The following CDH12 variants were observed in gnomAD, a reference collection of about 807,000 sequenced individuals.
CDH12 encodes cadherin 12, also known as cadherin-12.
Under a neutral mutation model 74.1 loss-of-function variants are expected in CDH12, and 41 were observed. The observed-to-expected ratio is 0.55, with a 90% CI of 0.43 to 0.72. The LOEUF is 0.72. Among genes scored for constraint, CDH12 ranks in the 30% least tolerant of loss-of-function variants. CDH12 has a pLI of 0.00. For missense variants in CDH12, 945 were observed against 977.2 expected, an observed-to-expected ratio of 0.97 and a Z score of 0.44; for synonymous variants, 399 against 355.0, an observed-to-expected ratio of 1.12 and a Z score of -1.39.
At chr5:22,038,595 G>A (rs1046137117) in intron 5 of CDH12, among the ~76,000 whole-genome samples, 3 of 152,112 alleles carry the variant, frequency 2.0e-5, no homozygotes, top group Admixed American at 2.0e-4. Flanking sequence ...CTGAAAAAAT[G>A]GTTGTTTGCC....
intron 4 of CDH12, among the ~76,000 whole-genome samples, chr5:22,165,499 CAT>C (rs1339720396): frequency 1.2e-4 from 6 of 51,080 alleles, no homozygotes; most frequent in East Asian, 6.5e-4. Context: ...TACACATACA[CAT>C]ACACACACAC....
chr5:22,394,437 C>A (rs890085246), intron 3 of CDH12, among the ~76,000 whole-genome samples: 5 of 152,054 alleles, frequency 3.3e-5, no homozygotes, highest in Non-Finnish European at 5.9e-5. Context: ...AGCTACTCAG[C>A]TGTAAATGTG....
chr5:21,811,709 C>CATTTTT (rs1747753778), intron 9 of CDH12, among the ~76,000 whole-genome samples: 2 of 139,148 alleles, frequency 1.4e-5, no homozygotes, highest in African/African-American at 5.2e-5. Context: ...ATAGGACAAG[C>CATTTTT]TTTTTTTTTT....
chr5:22,215,742 A>G (rs914477703), intron 3 of CDH12, among the ~76,000 whole-genome samples: 2 of 152,130 alleles, frequency 1.3e-5, no homozygotes, highest in Admixed American at 6.6e-5. Flanking sequence ...CTAGGGAGCT[A>G]AAGTTTATCT....
At chr5:22,529,173 A>ATACACATATATATACACATGTGTG (rs1737447612) in intron 1 of CDH12, among the ~76,000 whole-genome samples, 1 of 79,072 alleles carries the variant, frequency 1.3e-5, no homozygotes, top group Admixed American at 1.6e-4. Context: ...GTGTATATAT[A>ATACACATATATATACACATGTGTG]TATATATATA....
At chr5:21,865,636 T>TG (rs1369244534) in intron 6 of CDH12, among the ~76,000 whole-genome samples, 3 of 152,110 alleles carry the variant, frequency 2.0e-5, no homozygotes, top group East Asian at 3.9e-4. Context: ...CAGGGGAGCT[T>TG]TGACCCACCA....
intron 6 of CDH12, among the ~76,000 whole-genome samples, chr5:21,880,522 CTTT>C (rs1561267859): frequency 2.2e-5 from 3 of 136,914 alleles, no homozygotes; most frequent in Non-Finnish European, 4.8e-5. Context: ...TCCCTCTTTT[CTTT>C]CTTCCTTCTT....
At chr5:22,682,910 A>C (rs1741572912) in intron 1 of CDH12, among the ~76,000 whole-genome samples, 1 of 152,140 alleles carries the variant, frequency 6.6e-6, no homozygotes, top group African/African-American at 2.4e-5. Flanking sequence ...ATTCACAGCC[A>C]TGCCTAATAT....
chr5:22,715,799 TAA>T (rs112471843), intron 1 of CDH12, among the ~76,000 whole-genome samples: 15 of 120,984 alleles, frequency 1.2e-4, no homozygotes, highest in Admixed American at 1.8e-4. Context: ...AGATCCCATC[TAA>T]AAAAAAAAAA....
In CDH12 at chr5:21,760,766, T is replaced by C. The variant is rs150090142; in HGVS notation, c.1516-91A>G. On this transcript the variant is annotated intron_variant, in intron 12 of 14. Coordinates refer to ENST00000382254, the MANE Select transcript of CDH12 (RefSeq NM_004061.5). ...AAATGTATTTAATGAAGCATGCAAG[T>C]AGACAGAAATGGCACTTTTTGAATC... The C allele has an allele frequency of 3.5e-4, 274 of 776,132 alleles. 1 individual carries two copies. In the African/African-American group the frequency reaches 3.6e-3, roughly 10 times the overall value. 48.1% of individuals were successfully genotyped at this position (776,132 alleles called of 1,614,324 possible). A position where few individuals can be genotyped will look rare whatever the true frequency, so the allele number is the denominator to read the frequency against.
chr5:22,390,573 G>GAT (rs1742199147), intron 3 of CDH12, among the ~76,000 whole-genome samples: 1 of 128,108 alleles, frequency 7.8e-6, no homozygotes, highest in African/African-American at 3.0e-5. Context: ...TGGATGGATG[G>GAT]AGAGATAGAT....
At chr5:22,614,073 A>C (rs1737559672) in intron 1 of CDH12, among the ~76,000 whole-genome samples, 1 of 152,146 alleles carries the variant, frequency 6.6e-6, no homozygotes. Context: ...CTTATAAAGT[A>C]CATGGAATCA....
At chr5:22,130,653 AT>A (rs1746129220) in intron 4 of CDH12, among the ~76,000 whole-genome samples, 1 of 151,826 alleles carries the variant, frequency 6.6e-6, no homozygotes, top group South Asian at 2.1e-4. Flanking sequence ...ATCTGTAAAT[AT>A]AAGATAAACA....
chr5:22,059,253 C>CTCTATCTATCTATCTATCTATCTA (rs11438319), intron 5 of CDH12, among the ~76,000 whole-genome samples: 1 of 144,216 alleles, frequency 6.9e-6, no homozygotes, highest in Non-Finnish European at 1.5e-5. Flanking sequence ...TTTCCTTGTA[C>CTCTATCTATCTATCTATCTATCTA]TCTATCTATC....
intron 1 of CDH12, among the ~76,000 whole-genome samples, chr5:22,733,963 T>C (rs186592679): frequency 6.6e-6 from 1 of 151,930 alleles, no homozygotes; most frequent in East Asian, 1.9e-4. Flanking sequence ...GTCAACAATA[T>C]CCCCCTAGGT....
chr5:22,589,334 T>G (rs1034774284), intron 1 of CDH12, among the ~76,000 whole-genome samples: 13 of 152,104 alleles, frequency 8.5e-5, no homozygotes, highest in African/African-American at 2.9e-4. Context: ...ACCAATCCAG[T>G]GGAGATCAGC....
intron 2 of CDH12, among the ~76,000 whole-genome samples, chr5:22,478,454 A>G (rs1001456423): frequency 5.3e-5 from 8 of 150,786 alleles, no homozygotes; most frequent in Non-Finnish European, 1.0e-4. Context: ...AATAATTTTC[A>G]GTTGATTTTT....
intron 6 of CDH12, among the ~76,000 whole-genome samples, chr5:21,944,414 A>G (rs970955519): frequency 2.0e-5 from 3 of 152,198 alleles, no homozygotes; most frequent in African/African-American, 4.8e-5. Context: ...TTGCTGTTAC[A>G]TGCTATTTCA....
intron 1 of CDH12, among the ~76,000 whole-genome samples, chr5:22,756,842 C>T (rs1037273618): frequency 2.6e-5 from 4 of 151,918 alleles, no homozygotes; most frequent in African/African-American, 9.7e-5. Flanking sequence ...TGCCTGTAAT[C>T]CCAACTACTC....
Sources: gnomAD v4.1 joint callset for allele counts (sites outside exome capture counted in the v4.1 genomes callset) on GRCh38, gnomAD v4.1.1 for gene constraint, MANE v1.5 for transcripts, NCBI Gene and HGNC (gene_info 2026-07-23, HGNC 2026-07-21) for gene names.